HYAL4: variants seen among roughly 807,000 people sequenced by gnomAD.
HYAL4 encodes hyaluronidase-4.
In HYAL4, 37 loss-of-function variants were observed where a neutral mutation model predicts 35.2. The ratio of observed to expected loss-of-function variants is 1.05; its 90% CI spans 0.81 to 1.38. HYAL4 has a LOEUF of 1.38. Ranked by LOEUF, HYAL4 falls within the 40% of genes most tolerant of loss-of-function variation. HYAL4 has a pLI of 0.00. For missense variants in HYAL4, 572 were observed against 572.4 expected (o/e 1.00, Z 0.01); for synonymous variants, 198 against 203.2 (o/e 0.97, Z 0.22).
At chr7:123,834,139 A>G (rs956207255) in intron 1 of HYAL4, among the ~76,000 whole-genome samples, 5 of 151,936 alleles carry the variant, frequency 3.3e-5, no homozygotes, top group Admixed American at 6.6e-5. Flanking sequence ...TGGTATTTTG[A>G]TAGGGATTGC....
At chr7:123,842,134 A>G (rs1378551046), upstream of HYAL4, among the ~76,000 whole-genome samples, 1 of 152,004 alleles carries the variant, frequency 6.6e-6, no homozygotes, top group Non-Finnish European at 1.5e-5. Flanking sequence ...GTGGGCATTT[A>G]GTGCTATAAA....
intron 2 of HYAL4, 126 bp from the exon 3 acceptor site, chr7:123,868,097 A>G (rs1350192086): frequency 1.5e-5 from 6 of 398,274 alleles, no homozygotes; most frequent in African/African-American, 2.1e-5. Context: ...CAATTTATTT[A>G]TAGGCCTCTT....
At chr7:123,771,652 A>T in the HYAL4 span, among the ~76,000 whole-genome samples, 1 of 152,174 alleles carries the variant, frequency 6.6e-6, no homozygotes, top group African/African-American at 2.4e-5. Flanking sequence ...TTTGTACATA[A>T]TACCAATTAC....
the HYAL4 span, among the ~76,000 whole-genome samples, chr7:123,804,014 T>C: frequency 6.6e-6 from 1 of 152,332 alleles, no homozygotes; most frequent in Admixed American, 6.5e-5. Context: ...CTCCACATAA[T>C]ATGTAGGTTA....
the HYAL4 span, among the ~76,000 whole-genome samples, chr7:123,822,842 G>A: frequency 8.5e-5 from 13 of 152,334 alleles, no homozygotes; most frequent in African/African-American, 2.4e-4. Context: ...GTGTGTGCTT[G>A]TAGTCCTAGC....
chr7:123,795,919 A>G, the HYAL4 span, among the ~76,000 whole-genome samples: 13 of 152,216 alleles, frequency 8.5e-5, no homozygotes, highest in African/African-American at 2.9e-4. Context: ...TCTTACCCCA[A>G]TGGAGCAGAA....
At chr7:123,784,669 TTG>T in the HYAL4 span, among the ~76,000 whole-genome samples, 17 of 152,344 alleles carry the variant, frequency 1.1e-4, no homozygotes, top group African/African-American at 3.8e-4. Context: ...AGGACTTTCA[TTG>T]TGTGTGTTTT....
intron 3 of HYAL4, among the ~76,000 whole-genome samples, chr7:123,871,951 T>G (rs1417934018): frequency 6.6e-6 from 1 of 152,268 alleles, no homozygotes; most frequent in Non-Finnish European, 1.5e-5. Context: ...TACATATAAA[T>G]GCAACCTAGA....
chr7:123,868,775 A>G lies in HYAL4; in HGVS notation c.502A>G (p.Arg168Gly), dbSNP rs1584925913. 6.2e-7 allele frequency: 1 copy of G among 1,614,238 alleles called. No individual in the cohort carries two copies. ...AAAAGATGTTTACAGACAGAAGTCA[A>G]GAAAGCTTATTTCCGATATGGGAAA... is the stretch of plus-strand genomic sequence containing the variant. ...NSKDVYRQKS[R>G]KLISDMGKNV... The change falls in exon 3 of 5, where the codon AGA (arginine) becomes GGA (glycine). Residue 168 changes from arginine to glycine, a missense_variant. By Grantham distance (125) the Arg-to-Gly change is moderately radical. Transcript: ENST00000223026.
chr7:123,803,917 T>A, the HYAL4 span, among the ~76,000 whole-genome samples: 1 of 152,220 alleles, frequency 6.6e-6, no homozygotes, highest in Non-Finnish European at 1.5e-5. Flanking sequence ...TTGAAGTTTA[T>A]CCAGATCTTT....
chr7:123,795,897 CAT>C, the HYAL4 span, among the ~76,000 whole-genome samples: 102 of 152,284 alleles, frequency 6.7e-4, 1 homozygote, highest in Non-Finnish European at 9.9e-4. Flanking sequence ...TTGGACCCAA[CAT>C]GTGAAAGATT....
intron 2 of HYAL4, among the ~76,000 whole-genome samples, chr7:123,863,622 A>G (rs1806625697): frequency 6.6e-6 from 1 of 152,126 alleles, no homozygotes; most frequent in South Asian, 2.1e-4. Flanking sequence ...TCAGCAAGAG[A>G]GAGGGATGTT....
At chr7:123,814,949 A>G in the HYAL4 span, 1 of 152,572 alleles carries the variant, frequency 6.6e-6, no homozygotes, top group African/African-American at 2.4e-5. Flanking sequence ...AGGGTTGCTG[A>G]AATGGCTAGA....
intron 4 of HYAL4, among the ~76,000 whole-genome samples, chr7:123,876,505 C>T (rs1807027664): frequency 6.6e-6 from 1 of 152,174 alleles, no homozygotes; most frequent in Non-Finnish European, 1.5e-5. Context: ...GTTGCTTAGC[C>T]TGATTATAAC....
At chr7:123,854,830 A>G (rs1247938416) in intron 2 of HYAL4, among the ~76,000 whole-genome samples, 1 of 152,056 alleles carries the variant, frequency 6.6e-6, no homozygotes, top group Non-Finnish European at 1.5e-5. Flanking sequence ...GTGTTAAAGT[A>G]TCCCACTATT....
At chr7:123,830,707 C>G (rs1392033174) in intron 1 of HYAL4, among the ~76,000 whole-genome samples, 3 of 152,128 alleles carry the variant, frequency 2.0e-5, no homozygotes, top group African/African-American at 7.2e-5. Context: ...TTAGTAGATT[C>G]ATGTCATGGC....
In HYAL4 at chr7:123,868,924, T is replaced by G. The variant is rs762084021; in HGVS notation, c.651T>G (p.Tyr217Ter). Residue 217 changes from tyrosine to a stop codon, truncating the protein, a stop_gained, in exon 3 of 5, where the codon TAT (tyrosine) becomes TAG (stop). Transcript: ENST00000223026. LOFTEE classifies it high-confidence loss of function. ...IKSRPKGLWG[Y>*]YLYPDCHNYN... is the part of the protein sequence containing the mutation. ...GCCGACCCAAAGGCCTTTGGGGTTA[T>G]TATTTATATCCTGATTGCCACAATT... 1 of 1,614,176 alleles carries G rather than the reference T, an allele frequency of 6.2e-7. No individual in the cohort carries two copies. Among genetic ancestry groups the G allele is most frequent in the South Asian group, 1.1e-5 (1 of 91,068 alleles).
chr7:123,804,986 T>C, the HYAL4 span, among the ~76,000 whole-genome samples: 1 of 152,324 alleles, frequency 6.6e-6, no homozygotes, highest in African/African-American at 2.4e-5. Flanking sequence ...ATCTCAGAGA[T>C]GAGCCCTTCC....
the HYAL4 span, among the ~76,000 whole-genome samples, chr7:123,774,253 G>A: frequency 6.6e-6 from 1 of 152,202 alleles, no homozygotes; most frequent in African/African-American, 2.4e-5. Flanking sequence ...TGCCCAGGCT[G>A]GTCTTAAACT....
Sources: gnomAD v4.1 joint callset for allele counts (sites outside exome capture counted in the v4.1 genomes callset) on GRCh38, gnomAD v4.1.1 for gene constraint, MANE v1.5 for transcripts, NCBI Gene and HGNC (gene_info 2026-07-23, HGNC 2026-07-21) for gene names.